NUP93: variants seen among roughly 807,000 people sequenced by gnomAD.
NUP93 encodes nucleoporin 93, also known as nuclear pore complex protein Nup93.
NUP93 carries 55 observed loss-of-function variants against 107.8 expected under a neutral mutation model. That is an observed-to-expected ratio of 0.51 (90% CI 0.41 to 0.64). NUP93 has a LOEUF of 0.64. NUP93 is among the 30% of genes least tolerant of loss of function. The pLI, the probability that NUP93 is intolerant of heterozygous loss-of-function variation, is 0.00. For missense variants in NUP93, 937 were observed against 1,044.7 expected (o/e 0.90, Z 1.42); for synonymous variants, 390 against 397.5 (o/e 0.98, Z 0.22).
chr16:56,778,581 T>C (rs1004494808), intron 3 of NUP93, among the ~76,000 whole-genome samples: 1 of 152,232 alleles, frequency 6.6e-6, no homozygotes, highest in African/African-American at 2.4e-5. Flanking sequence ...GAAAAAGATG[T>C]GTGAGGGACA....
intron 16 of NUP93, 31 bp from the exon 17 acceptor site, chr16:56,836,570 C>A: frequency 1.5e-6 from 2 of 1,329,302 alleles, no homozygotes; most frequent in South Asian, 2.4e-5. Flanking sequence ...CCGTCTCTCT[C>A]TTCCTCCCCC....
chr16:56,842,983 C>G (rs77236490), intron 21 of NUP93, among the ~76,000 whole-genome samples: 1 of 152,190 alleles, frequency 6.6e-6, no homozygotes, highest in Non-Finnish European at 1.5e-5. Flanking sequence ...TGTCTTCTGC[C>G]TCCAAGATGT....
Position 56,849,619 on chromosome 16 carries a change from C to G in NUP93, c.*5010C>G, listed in dbSNP as rs1319192941. ...TGGCCTGCAGGTAAGGCCCCTTCAT[C>G]CGGGTCAGACTTAGCAAATAAAAAT... is the stretch of plus-strand genomic sequence containing the variant. On this transcript the variant is annotated 3_prime_UTR_variant, in exon 22 of 22. Transcript: ENST00000308159. 1 of 152,214 alleles carries G rather than the reference C, an allele frequency of 6.6e-6. No individual in the cohort carries two copies. Among genetic ancestry groups the G allele is most frequent in the African/African-American group, 2.4e-5 (1 of 41,462 alleles). The allele number at this position is 152,214 out of a possible 1,614,324, so 9.4% of individuals were successfully genotyped here.
intron 2 of NUP93, among the ~76,000 whole-genome samples, chr16:56,756,775 CCT>C (rs1329097868): frequency 6.6e-6 from 1 of 152,210 alleles, no homozygotes; most frequent in African/African-American, 2.4e-5. Flanking sequence ...TAAAAGCATT[CCT>C]GTTTCTTCAC....
chr16:56,767,529 G>A lies in NUP93; in HGVS notation c.297+8874G>A, dbSNP rs72784802. 1.4e-3 allele frequency among the ~76,000 whole-genome samples: 213 copies of A among 152,244 alleles called. 1 individual carries two copies. Among genetic ancestry groups the A allele is most frequent in the Non-Finnish European group, 2.6e-3 (176 of 67,992 alleles). On this transcript the variant is annotated intron_variant, in intron 3 of 21. Transcript: ENST00000308159. ...TTTCTTTGAATGGGATGAACAAAAG[G>A]ATATGGGGGAGAGTTTCCTCCACTC... is the stretch of plus-strand genomic sequence containing the variant.
rs1284600433 is a variant in NUP93 at position 56,823,216 on chromosome 16, C to T, written c.655-491C>T. 3.9e-5 allele frequency among the ~76,000 whole-genome samples: 6 copies of T among 152,122 alleles called. No individual in the cohort carries two copies. The East Asian group carries it at 5.8e-4, about 15-fold the overall frequency. On this transcript the variant is annotated intron_variant, in intron 7 of 21. Coordinates refer to ENST00000308159, the MANE Select transcript of NUP93 (RefSeq NM_014669.5). The stretch of plus-strand genomic sequence containing the variant: ...TGACGCTCACCAAGTAACGTAAGAG[C>T]GGTGGCCCCTGGAGCGTCTCTGGGA...
intron 16 of NUP93, among the ~76,000 whole-genome samples, chr16:56,835,559 A>G (rs1465102320): frequency 6.6e-6 from 1 of 152,230 alleles, no homozygotes; most frequent in African/African-American, 2.4e-5. Flanking sequence ...CACTGGGGCC[A>G]GGAGGCTCCT....
At chr16:56,841,882 G>T (rs1362274368) in intron 21 of NUP93, 49 bp downstream of exon 21, 1 of 1,607,034 alleles carries the variant, frequency 6.2e-7, no homozygotes. Flanking sequence ...CACCTTTCTG[G>T]TTTGGAATCC....
At chr16:56,819,967 T>C (rs942357235) in intron 6 of NUP93, among the ~76,000 whole-genome samples, 14 of 152,174 alleles carry the variant, frequency 9.2e-5, no homozygotes, top group African/African-American at 2.7e-4. Flanking sequence ...TCCAATTTTA[T>C]ACCTCTCTCT....
chr16:56,791,887 G>A (rs1396230558), intron 3 of NUP93, among the ~76,000 whole-genome samples: 1 of 152,190 alleles, frequency 6.6e-6, no homozygotes, highest in Non-Finnish European at 1.5e-5. Flanking sequence ...ACACTATGGT[G>A]TTGACCTCTA....
Position 56,848,162 on chromosome 16 carries a change from A to G in NUP93, c.*3553A>G, listed in dbSNP as rs371059290. On this transcript the variant is annotated 3_prime_UTR_variant, in exon 22 of 22. Coordinates refer to ENST00000308159, the MANE Select transcript of NUP93 (RefSeq NM_014669.5). ...ATTAGGTGGTTCACATCACTTGCCA[A>G]ATTTCCAGCATGCCACTCAGGAAGT... The G allele has an allele frequency of 6.6e-6, 1 of 152,152 alleles. No homozygotes were observed. The highest frequency in any genetic ancestry group is 1.5e-5 in the Non-Finnish European group (1 of 68,030). 9.4% of individuals were successfully genotyped at this position (152,152 alleles called of 1,614,324 possible). A position where few individuals can be genotyped will look rare whatever the true frequency, so the allele number is the denominator to read the frequency against.
chr16:56,738,750 T>TCCC (rs1961652350), intron 1 of NUP93, among the ~76,000 whole-genome samples: 1 of 152,178 alleles, frequency 6.6e-6, no homozygotes, highest in South Asian at 2.1e-4. Flanking sequence ...AGTTTATGTA[T>TCCC]TCAAAAGAGA....
At chr16:56,805,450 ATGTTTTTTT>A (rs1963114730) in intron 4 of NUP93, 45 bp from the exon 5 acceptor site, 4 of 1,604,462 alleles carry the variant, frequency 2.5e-6, no homozygotes, top group South Asian at 2.2e-5. Context: ...GTCTTAAACC[ATGTTTTTTT>A]TGTTTTTTTC....
chr16:56,812,682 C>T (rs1212891385), intron 5 of NUP93, among the ~76,000 whole-genome samples: 1 of 151,974 alleles, frequency 6.6e-6, no homozygotes, highest in Non-Finnish European at 1.5e-5. Context: ...GCTTCAGTAG[C>T]ATAGAGTCAA....
chr16:56,817,348 C>T (rs879610412), intron 5 of NUP93, among the ~76,000 whole-genome samples: 10 of 152,136 alleles, frequency 6.6e-5, no homozygotes, highest in Non-Finnish European at 1.2e-4. Flanking sequence ...TCCCCTCTCT[C>T]CCCCTCTCCT....
chr16:56,742,308 C>G (rs533679775), intron 1 of NUP93, among the ~76,000 whole-genome samples: 29 of 152,308 alleles, frequency 1.9e-4, no homozygotes, highest in Admixed American at 3.3e-4. Context: ...CTTATCAAGT[C>G]TAGCTTAAAT....
chr16:56,732,184 CA>C (rs1181020471), intron 1 of NUP93, among the ~76,000 whole-genome samples: 4 of 152,180 alleles, frequency 2.6e-5, no homozygotes. Flanking sequence ...TTGTTCTTAG[CA>C]CTTATATTTC....
At chr16:56,835,713 G>C (rs1963894355) in intron 16 of NUP93, among the ~76,000 whole-genome samples, 1 of 152,236 alleles carries the variant, frequency 6.6e-6, no homozygotes, top group Non-Finnish European at 1.5e-5. Context: ...TGGAGAAGCA[G>C]AATGGCCAGG....
Position 56,823,710 on chromosome 16 carries a change from A to G in NUP93, c.658A>G (p.Ile220Val). The G allele has an allele frequency of 6.2e-7, 1 of 1,614,056 alleles. No homozygotes were observed. Among genetic ancestry groups the G allele is most frequent in the Non-Finnish European group, 8.5e-7 (1 of 1,179,934 alleles). ...ATGCAGTTTCATTTATGTGCAGAGC[A>G]TTTCCGACATGTGGACCATGGTAAA... ...ASVAELDDKS[I>V]SDMWTMVKQM... Residue 220 changes from isoleucine to valine, a missense_variant, in exon 8 of 22, where the codon ATT (isoleucine) becomes GTT (valine). Ile to Val is a conservative substitution (Grantham distance 29). Coordinates refer to ENST00000308159, the MANE Select transcript of NUP93 (RefSeq NM_014669.5).
Sources: allele counts gnomAD v4.1 joint callset (sites outside exome capture counted in the v4.1 genomes callset), GRCh38; gene constraint gnomAD v4.1.1; transcripts MANE v1.5; gene names NCBI Gene and HGNC (gene_info 2026-07-23, HGNC 2026-07-21).